Variants in KIF21B observed in about 807,000 individuals in gnomAD.
KIF21B encodes kinesin-like protein KIF21B.
In KIF21B, 85 loss-of-function variants were observed where a neutral mutation model predicts 192.9. That is an observed-to-expected ratio of 0.44 (90% CI 0.37 to 0.53). KIF21B has a LOEUF of 0.53. Among genes scored for constraint, KIF21B ranks in the 20% least tolerant of loss-of-function variants. KIF21B has a pLI of 0.00. For missense variants in KIF21B, 1,716 were observed against 2,194.8 expected (o/e 0.78, Z 4.36); for synonymous variants, 832 against 884.6 (o/e 0.94, Z 1.05).
chr1:200,989,286 G>C (rs949114950), intron 21 of KIF21B, among the ~76,000 whole-genome samples: 11 of 152,156 alleles, frequency 7.2e-5, no homozygotes, highest in African/African-American at 2.4e-4. Context: ...ACTTGGTTAT[G>C]GCAGCCCTAG....
Position 200,982,110 on chromosome 1 carries a change from C to T in KIF21B, c.3842+946G>A, listed in dbSNP as rs1045743979. ...CAGGCCCACCCTTGAGGATGGTGGT[C>T]GGATACGTCCAGCTGCCAGCCAGGT... On this transcript the variant is annotated intron_variant, in intron 28 of 34. Coordinates refer to ENST00000461742, the MANE Select transcript of KIF21B (RefSeq NM_001252102.2). This position sits in a 1 kb window ranked among gnomAD's most constrained non-coding sequence, Gnocchi z 4.7. Among the ~76,000 whole-genome samples the T allele has an allele frequency of 1.3e-5, 2 of 152,086 alleles. No individual in the cohort carries two copies. Among genetic ancestry groups the T allele is most frequent in the African/African-American group, 4.8e-5 (2 of 41,402 alleles).
rs1411227503 is a variant in KIF21B at position 200,990,599 on chromosome 1, C to T, written c.2812G>A (p.Ala938Thr). The change falls in exon 19 of 35, where the codon GCT becomes ACT. Residue 938 changes from alanine (A) to threonine (T), a missense_variant. Physicochemically the swap from Ala to Thr is moderately conservative, Grantham distance 58 (BLOSUM62 0). Transcript: ENST00000461742. This position sits in a 1 kb window ranked among gnomAD's most constrained non-coding sequence, Gnocchi z 5.4. ...ACCTTGATGAGCCGCTCCATGTCAGCCTCCAGGTTGACAATGGTCATTCTC... is the reference window on the plus strand; with the variant it reads ...ACCTTGATGAGCCGCTCCATGTCAGTCTCCAGGTTGACAATGGTCATTCTC... ...MQRMTIVNLE[A>T]DMERLIKKRE... is the part of the protein sequence containing the mutation. 2 of 1,613,966 alleles carry T rather than the reference C, an allele frequency of 1.2e-6. No individual in the cohort carries two copies. Among genetic ancestry groups the T allele is most frequent in the African/African-American group, 1.3e-5 (1 of 74,940 alleles).
At chr1:200,988,457 G>T (rs372330319) in intron 23 of KIF21B, 36 bp downstream of exon 23, 273 of 1,610,732 alleles carry the variant, frequency 1.7e-4, no homozygotes, top group Non-Finnish European at 2.3e-4. Flanking sequence ...GGTACATGCT[G>T]TGAGCCAGCC....
intron 8 of KIF21B, 79 bp downstream of exon 8, chr1:201,003,507 G>A (rs564728019): frequency 5.1e-4 from 733 of 1,442,352 alleles, no homozygotes; most frequent in Middle Eastern, 1.5e-3. Flanking sequence ...GGAAGTTAGG[G>A]TGAGGCTGCA....
chr1:201,011,727 G>C (rs1230256980), intron 1 of KIF21B, among the ~76,000 whole-genome samples: 1 of 152,214 alleles, frequency 6.6e-6, no homozygotes, highest in African/African-American at 2.4e-5. Context: ...TGCCTGGCCT[G>C]GGCAGCCTCT....
intron 3 of KIF21B, among the ~76,000 whole-genome samples, chr1:201,007,657 C>T (rs111162566): frequency 0.077 from 11,533 of 149,756 alleles, 1,383 homozygotes; most frequent in African/African-American, 0.26. Context: ...CACACAGACG[C>T]GCACACAGAG....
intron 1 of KIF21B, among the ~76,000 whole-genome samples, chr1:201,010,679 A>G (rs1298248091): frequency 6.6e-6 from 1 of 152,156 alleles, no homozygotes; most frequent in African/African-American, 2.4e-5. Flanking sequence ...ACTCACCAAG[A>G]GAAGAAACAA....
chr1:201,009,587 G>A, intron 1 of KIF21B, 99 bp from the exon 2 acceptor site: 1 of 1,179,434 alleles, frequency 8.5e-7, no homozygotes, highest in South Asian at 1.5e-5. Flanking sequence ...CTTCCCCCAT[G>A]AGCCAGAGGA....
chr1:200,977,688 G>A (rs1358894904), intron 30 of KIF21B, among the ~76,000 whole-genome samples: 1 of 151,862 alleles, frequency 6.6e-6, no homozygotes, highest in Non-Finnish European at 1.5e-5. Flanking sequence ...TCTGAGTCTC[G>A]GTTTCCTCAT....
Position 200,975,140 on chromosome 1 carries a change from T to C in KIF21B, c.4615-227A>G, listed in dbSNP as rs2102368961. On this transcript the variant is annotated intron_variant, in intron 33 of 34. Coordinates refer to ENST00000461742, the MANE Select transcript of KIF21B (RefSeq NM_001252102.2). The surrounding 1 kb of genome is among the most constrained non-coding windows in gnomAD (Gnocchi z 4.3). ...CTGCTCTACTTCCCAGGTTCAAGCC[T>C]AAGATCCTGCCCTGGCAGAGAACCC... Among the ~76,000 whole-genome samples the C allele has an allele frequency of 6.6e-6, 1 of 152,256 alleles. No individual in the cohort carries two copies. The highest frequency in any genetic ancestry group is 1.9e-4 in the East Asian group (1 of 5,180).
At position 201,009,457 on chromosome 1, in the gene KIF21B, C is replaced by G. The variant is rs1422263786; in HGVS notation, c.73G>C (p.Glu25Gln). 2.5e-6 allele frequency: 4 copies of G among 1,614,080 alleles called. No homozygotes were observed. The highest frequency in any genetic ancestry group is 3.4e-6 in the Non-Finnish European group (4 of 1,180,024). ...ACAGAGGTACAGATGTGACAGCCCT[C>G]AATCTTCTCCTTCGACAGCTGGGGC... ...IRPQLSKEKIEGCHICTSVTP... is the reference protein window; with the variant it reads ...IRPQLSKEKIQGCHICTSVTP... Residue 25 changes from glutamate (E) to glutamine (Q), a missense_variant, in exon 2 of 35, where the codon GAG becomes CAG. Physicochemically the swap from Glu to Gln is conservative, Grantham distance 29 (BLOSUM62 2). Transcript: ENST00000461742.
intron 15 of KIF21B, among the ~76,000 whole-genome samples, chr1:200,995,643 T>G (rs1264953952): frequency 6.6e-6 from 1 of 152,200 alleles, no homozygotes; most frequent in African/African-American, 2.4e-5. Context: ...CAGTGCTACC[T>G]CTTGGAAGCT....
At position 200,970,032 on chromosome 1, in the gene KIF21B, G is replaced by A. The variant is rs1406802440; in HGVS notation, c.*3489C>T. ...CAGTGGGAAGAAAGTCACTGCTCCTGCAGGGCAGGCTCTGCCCACACAAAC... is the reference window on the plus strand; with the variant it reads ...CAGTGGGAAGAAAGTCACTGCTCCTACAGGGCAGGCTCTGCCCACACAAAC... On this transcript the variant is annotated 3_prime_UTR_variant, in exon 35 of 35. Transcript: ENST00000461742. 6.6e-6 allele frequency: 1 copy of A among 152,630 alleles called. No homozygotes were observed. The highest frequency in any genetic ancestry group is 1.5e-5 in the Non-Finnish European group (1 of 68,140). The allele number at this position is 152,630 out of a possible 1,614,324, so 9.5% of individuals were successfully genotyped here.
chr1:201,014,088 G>A (rs772027623), intron 1 of KIF21B, among the ~76,000 whole-genome samples: 346 of 152,364 alleles, frequency 2.3e-3, no homozygotes, highest in Admixed American at 4.4e-3. Context: ...TAGAGCGGGC[G>A]CGAGAGCGAG....
At chr1:201,002,056 G>T in intron 9 of KIF21B, 105 bp downstream of exon 9, 2 of 973,416 alleles carry the variant, frequency 2.1e-6, no homozygotes, top group East Asian at 2.5e-5. Flanking sequence ...GTTGAACTAT[G>T]AATTGACTGG....
intron 3 of KIF21B, among the ~76,000 whole-genome samples, chr1:201,007,054 A>T (rs1657882851): frequency 6.8e-6 from 1 of 147,640 alleles, no homozygotes; most frequent in Admixed American, 6.7e-5. Flanking sequence ...ACATAGACAC[A>T]CACACACACA....
chr1:200,990,672 C>G lies in KIF21B; in HGVS notation c.2739G>C (p.Arg913Ser). 1.2e-6 allele frequency: 2 copies of G among 1,614,188 alleles called. No homozygotes were observed. The highest frequency in any genetic ancestry group is 8.5e-7 in the Non-Finnish European group (1 of 1,180,030). ...GTCGCTCCAGGGACTGCCACTTGAGCCTTGCCGCCTTACTGAAGCTCTGGC... is the reference window on the plus strand; with the variant it reads ...GTCGCTCCAGGGACTGCCACTTGAGGCTTGCCGCCTTACTGAAGCTCTGGC... ...GASQSFSKAA[R>S]LKWQSLERRI... The change falls in exon 19 of 35, where the codon AGG becomes AGC. Residue 913 changes from arginine (R) to serine (S), a missense_variant. Arg to Ser is a moderately radical substitution (Grantham distance 110). Coordinates refer to ENST00000461742, the MANE Select transcript of KIF21B (RefSeq NM_001252102.2). The surrounding 1 kb of genome is among the most constrained non-coding windows in gnomAD (Gnocchi z 5.4).
rs1344563832 is a variant in KIF21B, at chr1:201,003,762, A to G, written c.1036T>C (p.Cys346Arg). Reference sequence around the variant, plus strand: ...AAATCTCGGTCTGAGGGGCTCACACAGGCGATCATGATGGTCTGGCTGGGG... The same window carrying G: ...AAATCTCGGTCTGAGGGGCTCACACGGGCGATCATGATGGTCTGGCTGGGG... ...GGNSQTIMIA[C>R]VSPSDRDFME... is the part of the protein sequence containing the mutation. Residue 346 changes from cysteine (C) to arginine (R), a missense_variant, in exon 8 of 35, where the codon TGT (cysteine) becomes CGT (arginine). Coordinates refer to ENST00000461742, the MANE Select transcript of KIF21B (RefSeq NM_001252102.2). 6.2e-7 allele frequency: 1 copy of G among 1,614,186 alleles called. No homozygotes were observed.
rs761834071 is a variant in KIF21B at position 200,999,784 on chromosome 1, C to G, written c.1767+99G>C. 1.4e-4 allele frequency: 162 copies of G among 1,194,722 alleles called. No individual in the cohort carries two copies. Among genetic ancestry groups the G allele is most frequent in the Non-Finnish European group, 1.8e-4 (142 of 809,262 alleles). The allele number at this position is 1,194,722 out of a possible 1,614,324, so 74.0% of individuals were successfully genotyped here. ...ATCAACTGGATGCAGACCCAACCGC[C>G]TCCTTCACTCCATACAAGGATGCGG... On this transcript the variant is annotated intron_variant, in intron 12 of 34. Coordinates refer to ENST00000461742, the MANE Select transcript of KIF21B (RefSeq NM_001252102.2). The surrounding 1 kb of genome is among the most constrained non-coding windows in gnomAD (Gnocchi z 4.7).
Sources: allele counts gnomAD v4.1 joint callset (sites outside exome capture counted in the v4.1 genomes callset), GRCh38; gene constraint gnomAD v4.1.1; non-coding constraint Gnocchi (gnomAD v3.1); transcripts MANE v1.5; gene names NCBI Gene and HGNC (gene_info 2026-07-23, HGNC 2026-07-21).